The following ABCB10 variants were observed in gnomAD, a reference collection of about 807,000 sequenced individuals.
The protein encoded by ABCB10 is ATP binding cassette subfamily B member 10.
A neutral mutation model predicts 65.4 loss-of-function variants in ABCB10; 54 were observed. The ratio of observed to expected loss-of-function variants is 0.83; its 90% CI spans 0.66 to 1.04. The LOEUF is 1.04. Ranked by LOEUF, ABCB10 falls within the 50% of genes least tolerant of loss-of-function variation. ABCB10 has a pLI of 0.00. For synonymous variants in ABCB10, 418 were observed against 406.5 expected, an observed-to-expected ratio of 1.03 and a Z score of -0.34; for missense variants, 846 against 976.6, an observed-to-expected ratio of 0.87 and a Z score of 1.78.
rs369172780 is a variant in ABCB10 at position 229,517,301 on chromosome 1, A to G, written c.*878T>C. On this transcript the variant is annotated 3_prime_UTR_variant, in exon 13 of 13. Transcript: ENST00000344517. The stretch of plus-strand genomic sequence containing the variant: ...ATTTTAGCCTTATTAATGAAATTCC[A>G]AAAGTATTATAAAATAAGATTCAAT... 1 of 152,226 alleles carries G rather than the reference A, an allele frequency of 6.6e-6. No homozygotes were observed. Among genetic ancestry groups the G allele is most frequent in the Non-Finnish European group, 1.5e-5 (1 of 68,024 alleles). 9.4% of individuals were successfully genotyped at this position (152,226 alleles called of 1,614,324 possible).
chr1:229,556,821 G>T (rs1663258907), intron 1 of ABCB10, among the ~76,000 whole-genome samples: 1 of 152,210 alleles, frequency 6.6e-6, no homozygotes, highest in African/African-American at 2.4e-5. Context: ...TGGTGGTATG[G>T]TCATTTATTC....
rs1363420418 is a variant in ABCB10 at position 229,539,478 on chromosome 1, G to T, written c.1317C>A (p.Phe439Leu). 1.6e-5 allele frequency: 26 copies of T among 1,613,818 alleles called. No homozygotes were observed. Among genetic ancestry groups the T allele is most frequent in the Non-Finnish European group, 2.2e-5 (26 of 1,179,862 alleles). Residue 439 changes from phenylalanine to leucine, a missense_variant, in exon 6 of 13, where the codon TTC becomes TTA. Coordinates refer to ENST00000344517, the MANE Select transcript of ABCB10 (RefSeq NM_012089.3). ...TACCTCCAATGCTTATTCCAACCCAGAAAGCATACATTAGGAAGGAAGAGA... is the reference window on the plus strand; with the variant it reads ...TACCTCCAATGCTTATTCCAACCCATAAAGCATACATTAGGAAGGAAGAGA... ...GELSSFLMYA[F>L]WVGISIGGLS...
Position 229,526,059 on chromosome 1 carries a change from G to C in ABCB10, c.1783C>G (p.Pro595Ala), listed in dbSNP as rs1022993774. 1 of 1,614,138 alleles carries C rather than the reference G, an allele frequency of 6.2e-7. No individual in the cohort carries two copies. The highest frequency in any genetic ancestry group is 1.3e-5 in the African/African-American group (1 of 75,016). Residue 595 changes from proline to alanine, a missense_variant, in exon 10 of 13, where the codon CCT becomes GCT. Coordinates refer to ENST00000344517, the MANE Select transcript of ABCB10 (RefSeq NM_012089.3). Reference protein sequence around the residue: ...AENIAYGADDPSSVTAEEIQR... With the variant: ...AENIAYGADDASSVTAEEIQR... ...ATTTCCTCAGCGGTCACAGAGGAAG[G>C]GTCATCAGCACCATAAGCAATGTTC...
intron 1 of ABCB10, among the ~76,000 whole-genome samples, chr1:229,555,427 C>G (rs920803511): frequency 6.6e-6 from 1 of 152,258 alleles, no homozygotes; most frequent in African/African-American, 2.4e-5. Context: ...AATTCCTCCC[C>G]AAAGGGGCGG....
At chr1:229,552,726 C>T (rs1338455581) in intron 1 of ABCB10, among the ~76,000 whole-genome samples, 2 of 152,184 alleles carry the variant, frequency 1.3e-5, no homozygotes, top group African/African-American at 2.4e-5. Flanking sequence ...ACTTCAGAGT[C>T]CTCACCATTA....
intron 6 of ABCB10, among the ~76,000 whole-genome samples, chr1:229,533,324 A>C (rs1208817248): frequency 2.0e-5 from 3 of 151,924 alleles, no homozygotes; most frequent in African/African-American, 7.3e-5. Context: ...GGGTTTCACC[A>C]TGTTGGCCAG....
intron 1 of ABCB10, among the ~76,000 whole-genome samples, chr1:229,551,486 CAAAT>C (rs1046620918): frequency 1.3e-5 from 2 of 152,178 alleles, no homozygotes; most frequent in East Asian, 1.9e-4. Context: ...GATGAACAAA[CAAAT>C]AAATTGAACT....
intron 8 of ABCB10, among the ~76,000 whole-genome samples, chr1:229,529,761 C>A (rs1303976076): frequency 2.0e-5 from 3 of 151,588 alleles, no homozygotes; most frequent in Admixed American, 6.6e-5. Context: ...CAGGCAGAGG[C>A]AGAGGTTCTC....
chr1:229,541,552 T>C (rs1662844290), intron 4 of ABCB10, among the ~76,000 whole-genome samples: 1 of 152,180 alleles, frequency 6.6e-6, no homozygotes, highest in South Asian at 2.1e-4. Flanking sequence ...AAAGATAACG[T>C]TGCACAGCAC....
At chr1:229,556,798 C>G (rs1178547029) in intron 1 of ABCB10, among the ~76,000 whole-genome samples, 2 of 152,182 alleles carry the variant, frequency 1.3e-5, no homozygotes, top group Admixed American at 6.5e-5. Flanking sequence ...TTCTAAAGGC[C>G]TCACTCTGTG....
At chr1:229,548,071 A>G (rs1663012970) in intron 2 of ABCB10, among the ~76,000 whole-genome samples, 1 of 151,484 alleles carries the variant, frequency 6.6e-6, no homozygotes, top group African/African-American at 2.4e-5. Context: ...GCACGATCAC[A>G]GTTCACTGTA....
At chr1:229,531,992 A>G (rs1031567615) in intron 6 of ABCB10, 8 of 258,714 alleles carry the variant, frequency 3.1e-5, no homozygotes, top group Admixed American at 2.9e-4. Flanking sequence ...TCACTCTGTC[A>G]CCCAGGCTGG....
chr1:229,524,460 G>C (rs1036031740), intron 10 of ABCB10, among the ~76,000 whole-genome samples: 1 of 151,952 alleles, frequency 6.6e-6, no homozygotes, highest in Admixed American at 6.6e-5. Context: ...ACCATGCCCG[G>C]CCAGGAACTT....
rs746145623 is a variant in ABCB10 at position 229,527,294 on chromosome 1, C to T, written c.1660G>A (p.Asp554Asn). The T allele has an allele frequency of 1.2e-6, 2 of 1,603,034 alleles. No individual in the cohort carries two copies. Among genetic ancestry groups the T allele is most frequent in the Non-Finnish European group, 1.7e-6 (2 of 1,177,568 alleles). ...TTTAGCTGACGGATGTCATGGCCAT[C>T]AAGACTAATAGTTCCTTGTTGAGAG... ...YDPASGTISL[D>N]GHDIRQLNPV... The change falls in exon 9 of 13, where the codon GAT becomes AAT. Residue 554 changes from aspartate to asparagine, a missense_variant. Asp to Asn is a conservative substitution (Grantham distance 23). Transcript: ENST00000344517.
At chr1:229,521,557 T>C in intron 11 of ABCB10, 35 bp downstream of exon 11, 1 of 1,567,238 alleles carries the variant, frequency 6.4e-7, no homozygotes, top group Non-Finnish European at 8.6e-7. Flanking sequence ...AAATAATCCC[T>C]AATTTAAAAA....
chr1:229,550,633 A>G (rs1186398840), intron 1 of ABCB10, among the ~76,000 whole-genome samples: 1 of 151,140 alleles, frequency 6.6e-6, no homozygotes, highest in African/African-American at 2.4e-5. Flanking sequence ...CGGGTAGGTC[A>G]CTTCAGCTCA....
chr1:229,555,257 G>C (rs184197585), intron 1 of ABCB10, among the ~76,000 whole-genome samples: 1 of 152,342 alleles, frequency 6.6e-6, no homozygotes, highest in East Asian at 1.9e-4. Flanking sequence ...CTATCTGCCA[G>C]GCACAGCCAG....
intron 5 of ABCB10, 76 bp downstream of exon 5, chr1:229,540,530 T>C (rs1662818372): frequency 2.2e-6 from 3 of 1,383,682 alleles, no homozygotes; most frequent in African/African-American, 1.5e-5. Context: ...TTTCTACTTA[T>C]GCTGAGCACC....
In ABCB10 at chr1:229,517,374, C is replaced by G. The variant is rs1174714003; in HGVS notation, c.*805G>C. ...TAACAGATATTTTTCAAAATACATG[C>G]CTTCAAACAACTTAAATGCAAAAAT... On this transcript the variant is annotated 3_prime_UTR_variant, in exon 13 of 13. Coordinates refer to ENST00000344517, the MANE Select transcript of ABCB10 (RefSeq NM_012089.3). 1 of 152,150 alleles carries G rather than the reference C, an allele frequency of 6.6e-6. No homozygotes were observed. Among genetic ancestry groups the G allele is most frequent in the African/African-American group, 2.4e-5 (1 of 41,440 alleles). The allele number at this position is 152,150 out of a possible 1,614,324, so 9.4% of individuals were successfully genotyped here.
Sources: allele counts gnomAD v4.1 joint callset (sites outside exome capture counted in the v4.1 genomes callset), GRCh38; gene constraint gnomAD v4.1.1; transcripts MANE v1.5; gene names NCBI Gene and HGNC (gene_info 2026-07-23, HGNC 2026-07-21).